ELMO1: variants seen among roughly 807,000 people sequenced by gnomAD.
The protein encoded by ELMO1 is engulfment and cell motility 1.
Under a neutral mutation model 98.9 loss-of-function variants are expected in ELMO1, and 26 were observed. The ratio of observed to expected loss-of-function variants is 0.26; its 90% confidence interval spans 0.19 to 0.36. The LOEUF (loss-of-function observed/expected upper bound fraction) is 0.36. Among genes scored for constraint, ELMO1 ranks in the 10% least tolerant of loss-of-function variants. ELMO1 has a pLI of 1.00. For synonymous variants in ELMO1, 346 were observed against 346.0 expected, an observed-to-expected ratio of 1.00 and a Z score of 0.00; for missense variants, 627 against 935.2, an observed-to-expected ratio of 0.67 and a Z score of 4.30.
At chr7:37,226,930 T>C (rs539541626) in intron 8 of ELMO1, among the ~76,000 whole-genome samples, 1 of 152,326 alleles carries the variant, frequency 6.6e-6, no homozygotes, top group South Asian at 2.1e-4. Context: ...TACAGTCTAG[T>C]ATGGACAGAT....
At chr7:37,083,430 C>A (rs1237945437) in intron 15 of ELMO1, among the ~76,000 whole-genome samples, 1 of 152,020 alleles carries the variant, frequency 6.6e-6, no homozygotes, top group Non-Finnish European at 1.5e-5. Context: ...GCAAAGAAAC[C>A]AGCAGATTTC....
intron 21 of ELMO1, among the ~76,000 whole-genome samples, chr7:36,856,220 T>G (rs1802187195): frequency 1.3e-5 from 2 of 152,238 alleles, no homozygotes; most frequent in Admixed American, 1.3e-4. Context: ...GTAGCTCATC[T>G]CGGCCTGTCC....
Position 36,909,208 on chromosome 7 carries a change from A to G in ELMO1, c.1438-14191T>C, listed in dbSNP as rs576958581. ...TGGTAAAAAGATTAGTGAGTAATGC[A>G]TAGCTCCTATTGAGTAGTAAGTAAG... On this transcript the variant is annotated intron_variant, in intron 16 of 21. Coordinates refer to ENST00000310758, the MANE Select transcript of ELMO1 (RefSeq NM_014800.11). Among the ~76,000 whole-genome samples the G allele has an allele frequency of 1.4e-4, 21 of 152,384 alleles. No homozygotes were observed. In the East Asian group the frequency reaches 3.9e-3, roughly 28 times the overall value.
At chr7:37,309,199 G>A (rs984541147) in intron 4 of ELMO1, among the ~76,000 whole-genome samples, 1 of 152,118 alleles carries the variant, frequency 6.6e-6, no homozygotes, top group Non-Finnish European at 1.5e-5. Context: ...AAGGCGAAAG[G>A]CACATCTTAC....
intron 6 of ELMO1, among the ~76,000 whole-genome samples, chr7:37,254,136 A>C (rs1217428880): frequency 6.6e-6 from 1 of 152,188 alleles, no homozygotes; most frequent in Non-Finnish European, 1.5e-5. Flanking sequence ...CAGCAGAAGG[A>C]AGGCAGGAGG....
chr7:37,352,623 T>C (rs1272982881), intron 1 of ELMO1, among the ~76,000 whole-genome samples: 1 of 152,168 alleles, frequency 6.6e-6, no homozygotes, highest in Non-Finnish European at 1.5e-5. Context: ...CGCTAAATAG[T>C]CTTGGCCAGA....
chr7:37,112,913 C>T (rs1168941480), intron 14 of ELMO1, among the ~76,000 whole-genome samples: 1 of 152,178 alleles, frequency 6.6e-6, no homozygotes, highest in Admixed American at 6.5e-5. Flanking sequence ...TATACCAATA[C>T]AAAATCCCTT....
rs150747623 is a variant in ELMO1 at position 37,102,718 on chromosome 7, A to C, written c.1192-5991T>G. 4.2e-3 allele frequency among the ~76,000 whole-genome samples: 647 copies of C among 152,350 alleles called. 3 individuals are homozygous for C. Among genetic ancestry groups the C allele is most frequent in the South Asian group, 0.021 (100 of 4,824 alleles). ...ACTAAGCCATCTCACTGTACAGATG[A>C]AGAAACAGAGACAAAGAGATGTGTC... On this transcript the variant is annotated intron_variant, in intron 14 of 21. Transcript: ENST00000310758.
chr7:37,321,258 G>A (rs1289869449), intron 2 of ELMO1, among the ~76,000 whole-genome samples: 4 of 152,082 alleles, frequency 2.6e-5, no homozygotes, highest in East Asian at 3.9e-4. Context: ...CAAGCCAAAC[G>A]CCAGCTCTGC....
intron 1 of ELMO1, among the ~76,000 whole-genome samples, chr7:37,446,321 C>T (rs994081990): frequency 2.0e-5 from 3 of 152,162 alleles, no homozygotes; most frequent in African/African-American, 7.2e-5. Context: ...AGAGACAATA[C>T]TCAAAATACA....
At chr7:37,262,647 A>T (rs1796033188) in intron 5 of ELMO1, among the ~76,000 whole-genome samples, 1 of 152,178 alleles carries the variant, frequency 6.6e-6, no homozygotes, top group Non-Finnish European at 1.5e-5. Context: ...CTTTAGGGTA[A>T]ATTTCCCTCT....
At chr7:36,971,972 C>T (rs1380549194) in intron 16 of ELMO1, among the ~76,000 whole-genome samples, 1 of 152,070 alleles carries the variant, frequency 6.6e-6, no homozygotes, top group Non-Finnish European at 1.5e-5. Flanking sequence ...TCCAGGGGAC[C>T]ATGCGGGCTT....
intron 1 of ELMO1, among the ~76,000 whole-genome samples, chr7:37,425,078 T>C (rs983662762): frequency 1.3e-5 from 2 of 152,188 alleles, no homozygotes; most frequent in African/African-American, 4.8e-5. Context: ...CATAGATTTA[T>C]GGTTTTCTTA....
intron 15 of ELMO1, among the ~76,000 whole-genome samples, chr7:37,059,291 T>C (rs895890459): frequency 2.0e-5 from 3 of 152,192 alleles, no homozygotes; most frequent in African/African-American, 7.2e-5. Context: ...TTTGCAGTGC[T>C]TGTCAAGAGT....
rs1248461902 is a variant in ELMO1, at chr7:37,256,547, GAAGA to G, written c.413+2630_413+2633del. Among the ~76,000 whole-genome samples the G allele has an allele frequency of 1.2e-4, 12 of 96,020 alleles. No homozygotes were observed. In the East Asian group the frequency reaches 3.4e-3, roughly 27 times the overall value. 63.0% of individuals were successfully genotyped at this position (96,020 alleles called of 152,430 possible). A position where few individuals can be genotyped will look rare whatever the true frequency, so the allele number is the denominator to read the frequency against. ...GGAAGGAAGGAAGGAAGGAAAGAAG[GAAGA>G]AAGGAAGGAAGGAAGGAAGGAAGGA... On this transcript the variant is annotated intron_variant, in intron 6 of 21. Coordinates refer to ENST00000310758, the MANE Select transcript of ELMO1 (RefSeq NM_014800.11).
intron 14 of ELMO1, among the ~76,000 whole-genome samples, chr7:37,129,628 G>A (rs1786770201): frequency 6.6e-6 from 1 of 152,194 alleles, no homozygotes; most frequent in Non-Finnish European, 1.5e-5. Flanking sequence ...TAGTTCCAAA[G>A]TAACTCATTC....
At chr7:36,931,659 G>C (rs1431301893) in intron 16 of ELMO1, among the ~76,000 whole-genome samples, 1 of 152,232 alleles carries the variant, frequency 6.6e-6, no homozygotes, top group Admixed American at 6.5e-5. Flanking sequence ...AGACTCTGCA[G>C]AGTTGCTGTA....
At chr7:37,029,420 AT>A (rs1161572534) in intron 15 of ELMO1, among the ~76,000 whole-genome samples, 1 of 151,898 alleles carries the variant, frequency 6.6e-6, no homozygotes, top group Non-Finnish European at 1.5e-5. Flanking sequence ...AAAAAAAAAA[AT>A]CACGGCGATT....
chr7:37,139,890 T>C (rs879107521), intron 13 of ELMO1, among the ~76,000 whole-genome samples: 13 of 152,040 alleles, frequency 8.6e-5, no homozygotes, highest in Admixed American at 6.6e-5. Flanking sequence ...TAGAATAGAA[T>C]AGAGAACCCA....
Sources: gnomAD v4.1 joint callset for allele counts (sites outside exome capture counted in the v4.1 genomes callset) on GRCh38, gnomAD v4.1.1 for gene constraint, MANE v1.5 for transcripts, NCBI Gene and HGNC (gene_info 2026-07-23, HGNC 2026-07-21) for gene names.